VCAN: variants seen among roughly 807,000 people sequenced by gnomAD.
VCAN encodes versican, also known as versican core protein.
In VCAN, 44 loss-of-function variants were observed where a neutral mutation model predicts 245.5. The observed-to-expected ratio is 0.18, with a 90% CI of 0.14 to 0.23. VCAN has a LOEUF of 0.23. Ranked by LOEUF, VCAN falls within the 10% of genes least tolerant of loss-of-function variation. VCAN has a pLI of 1.00. For missense variants in VCAN, 3,793 were observed against 4,057.9 expected (o/e 0.93, Z 1.77); for synonymous variants, 1,413 against 1,437.0 (o/e 0.98, Z 0.38).
At chr5:83,561,493 T>C (rs532962777) in intron 12 of VCAN, among the ~76,000 whole-genome samples, 2 of 152,302 alleles carry the variant, frequency 1.3e-5, no homozygotes, top group South Asian at 4.1e-4. Context: ...TTTTTCATTT[T>C]GGTAAGCATA....
rs558309239 is a variant in VCAN at position 83,499,875 on chromosome 5, A to G, written c.748+5944A>G. ...TCTTGTGCCTCACCTAGAACCAAAA[A>G]CAACTTTTCCATTTTTGTTACTTTA... is the stretch of plus-strand genomic sequence containing the variant. On this transcript the variant is annotated intron_variant, in intron 5 of 14. Transcript: ENST00000265077. 5.9e-5 allele frequency among the ~76,000 whole-genome samples: 9 copies of G among 152,288 alleles called. No individual in the cohort carries two copies. The South Asian group carries it at 1.9e-3, about 32-fold the overall frequency.
intron 8 of VCAN, 108 bp from the exon 9 acceptor site, chr5:83,545,429 T>C: frequency 1.2e-6 from 1 of 861,694 alleles, no homozygotes. Flanking sequence ...TCTAAATTGC[T>C]ATGGTAAAGC....
chr5:83,497,253 T>C (rs977139588), intron 5 of VCAN, among the ~76,000 whole-genome samples: 6 of 152,222 alleles, frequency 3.9e-5, no homozygotes, highest in African/African-American at 9.6e-5. Context: ...GAAAGATATA[T>C]AGTTGACAGT....
chr5:83,519,979 A>G lies in VCAN; in HGVS notation c.1673A>G (p.Glu558Gly), dbSNP rs758221829. 1 of 1,614,104 alleles carries G rather than the reference A, an allele frequency of 6.2e-7. No homozygotes were observed. The highest frequency in any genetic ancestry group is 8.5e-7 in the Non-Finnish European group (1 of 1,179,970). ...YGFTLGEEDD[E>G]DRTLTVGSDE... is the part of the protein sequence containing the mutation. Reference sequence around the variant, plus strand: ...TTCACCTTGGGAGAAGAGGATGATGAAGACAGAACACTTACAGTTGGATCT... The same window carrying G: ...TTCACCTTGGGAGAAGAGGATGATGGAGACAGAACACTTACAGTTGGATCT... The change falls in exon 7 of 15, where the codon GAA becomes GGA. Residue 558 changes from glutamate to glycine, a missense_variant. By Grantham distance (98) the Glu-to-Gly change is moderately conservative. Coordinates refer to ENST00000265077, the MANE Select transcript of VCAN (RefSeq NM_004385.5).
At position 83,537,983 on chromosome 5, in the gene VCAN, A is replaced by G; in HGVS notation, c.4980A>G (p.Ser1660=). Residue 1660 remains serine (S), a synonymous_variant, in exon 8 of 15, where the codon TCA becomes TCG. Coordinates refer to ENST00000265077, the MANE Select transcript of VCAN (RefSeq NM_004385.5). ...DTMFTMVTDL[S]QRNTTDTLIT... ...TGTTCACCATGGTAACTGATTTATC[A>G]CAGAGAAATACTACTGATACACTCA... 6.2e-7 allele frequency: 1 copy of G among 1,613,994 alleles called. No homozygotes were observed. The highest frequency in any genetic ancestry group is 1.1e-5 in the South Asian group (1 of 91,086).
In VCAN at chr5:83,537,334, C is replaced by T. The variant is rs765589028; in HGVS notation, c.4331C>T (p.Ser1444Leu). The change falls in exon 8 of 15, where the codon TCG becomes TTG. Residue 1444 changes from serine to leucine, a missense_variant. Coordinates refer to ENST00000265077, the MANE Select transcript of VCAN (RefSeq NM_004385.5). ...FESVAPSQNF[S>L]DSSESDTHPF... ...AGTGTTGCACCTTCTCAGAATTTCT[C>T]GGACAGCTCTGAAAGTGATACTCAT... 19 of 1,613,822 alleles carry T rather than the reference C, an allele frequency of 1.2e-5. No homozygotes were observed. In the East Asian group the frequency reaches 1.6e-4, roughly 13 times the overall value.
intron 1 of VCAN, among the ~76,000 whole-genome samples, chr5:83,481,213 A>G (rs1436618600): frequency 6.6e-6 from 1 of 151,472 alleles, no homozygotes; most frequent in Non-Finnish European, 1.5e-5. Context: ...ATTATTATTT[A>G]TAAGTATAAT....
chr5:83,532,182 G>A (rs1193355), intron 7 of VCAN, among the ~76,000 whole-genome samples: 108,312 of 151,942 alleles, frequency 0.71, 39,972 homozygotes, highest in African/African-American at 0.92. Flanking sequence ...ACTATACACC[G>A]CAAAGAAACT....
chr5:83,577,816 C>T (rs1748536586), intron 13 of VCAN, among the ~76,000 whole-genome samples: 1 of 152,164 alleles, frequency 6.6e-6, no homozygotes, highest in African/African-American at 2.4e-5. Flanking sequence ...CATGTTGCCT[C>T]TTTCAAATAT....
At position 83,538,962 on chromosome 5, in the gene VCAN, G is replaced by A. The variant is rs1236770305; in HGVS notation, c.5959G>A (p.Glu1987Lys). The A allele has an allele frequency of 6.2e-7, 1 of 1,613,880 alleles. No individual in the cohort carries two copies. The highest frequency in any genetic ancestry group is 2.2e-5 in the East Asian group (1 of 44,864). The change falls in exon 8 of 15, where the codon GAA (glutamate) becomes AAA (lysine). Residue 1987 changes from glutamate (E) to lysine (K), a missense_variant. Glu to Lys is a moderately conservative substitution (Grantham distance 56). Coordinates refer to ENST00000265077, the MANE Select transcript of VCAN (RefSeq NM_004385.5). The stretch of plus-strand genomic sequence containing the variant: ...TCACATCAGTCACATATCTGACTCA[G>A]AAGGACCCAGTAGCACCATGGTCAG... The part of the protein sequence containing the change: ...SVHISHISDS[E>K]GPSSTMVSTS...
chr5:83,508,021 A>G (rs973886959), intron 5 of VCAN, among the ~76,000 whole-genome samples: 3 of 152,216 alleles, frequency 2.0e-5, no homozygotes, highest in African/African-American at 7.2e-5. Flanking sequence ...ACTTTGTGCA[A>G]AATGAGCTTC....
intron 5 of VCAN, among the ~76,000 whole-genome samples, chr5:83,502,561 G>A (rs1441099298): frequency 6.6e-6 from 1 of 152,210 alleles, no homozygotes; most frequent in Non-Finnish European, 1.5e-5. Context: ...GGGAAAGAAT[G>A]AGTCCAAACA....
In VCAN at chr5:83,493,680, G is replaced by A; in HGVS notation, c.580G>A (p.Glu194Lys). 3 of 1,614,146 alleles carry A rather than the reference G, an allele frequency of 1.9e-6. No homozygotes were observed. Among genetic ancestry groups the A allele is most frequent in the Non-Finnish European group, 2.5e-6 (3 of 1,180,026 alleles). ...CTTTGCTGCCTATGAAGATGGATTTGAGCAGTGTGACGCAGGCTGGCTGGC... is the reference window on the plus strand; with the variant it reads ...CTTTGCTGCCTATGAAGATGGATTTAAGCAGTGTGACGCAGGCTGGCTGGC... The part of the protein sequence containing the change: ...QLFAAYEDGF[E>K]QCDAGWLADQ... Residue 194 changes from glutamate (E) to lysine (K), a missense_variant, in exon 4 of 15, where the codon GAG (glutamate) becomes AAG (lysine). Coordinates refer to ENST00000265077, the MANE Select transcript of VCAN (RefSeq NM_004385.5).
rs753119326 is a variant in VCAN, at chr5:83,541,032, C to G, written c.8029C>G (p.Pro2677Ala). 1 of 1,614,052 alleles carries G rather than the reference C, an allele frequency of 6.2e-7. No individual in the cohort carries two copies. The change falls in exon 8 of 15, where the codon CCT becomes GCT. Residue 2677 changes from proline to alanine, a missense_variant. Physicochemically the swap from Pro to Ala is conservative, Grantham distance 27. This residue lies in a region of VCAN where 3,182 missense variants were observed against 3,250.3 expected (regional missense o/e 0.98). Coordinates refer to ENST00000265077, the MANE Select transcript of VCAN (RefSeq NM_004385.5). ...TCACTTCACAACTGGGATCCCTGCT[C>G]CTAGCACAGAAACAGAATTAGACGT... is the stretch of plus-strand genomic sequence containing the variant. ...GFHFTTGIPA[P>A]STETELDVLL... is the part of the protein sequence containing the mutation.
intron 8 of VCAN, 106 bp downstream of exon 8, chr5:83,542,374 G>A: frequency 8.1e-7 from 1 of 1,229,024 alleles, no homozygotes; most frequent in Non-Finnish European, 1.2e-6. Flanking sequence ...TCAATGGAGA[G>A]TTTCATATTA....
At chr5:83,528,046 G>A (rs746529920) in intron 7 of VCAN, among the ~76,000 whole-genome samples, 22 of 152,290 alleles carry the variant, frequency 1.4e-4, no homozygotes, top group Admixed American at 3.3e-4. Flanking sequence ...ATGTCTAGTC[G>A]TTTGACAGAT....
chr5:83,512,432 T>C, intron 6 of VCAN, 36 bp downstream of exon 6: 1 of 1,605,226 alleles, frequency 6.2e-7, no homozygotes, highest in African/African-American at 1.3e-5. Context: ...ATTACAGTTT[T>C]AAAAAAAATG....
At chr5:83,505,936 T>C (rs1745469466) in intron 5 of VCAN, among the ~76,000 whole-genome samples, 1 of 152,194 alleles carries the variant, frequency 6.6e-6, no homozygotes, top group African/African-American at 2.4e-5. Context: ...TTCCACCCTC[T>C]GAAGCCACAG....
chr5:83,516,277 C>T (rs1283630872), intron 6 of VCAN, among the ~76,000 whole-genome samples: 1 of 151,678 alleles, frequency 6.6e-6, no homozygotes, highest in Non-Finnish European at 1.5e-5. Context: ...GAGCAAGACT[C>T]TGTCTCAAAA....
Sources: allele counts gnomAD v4.1 joint callset (sites outside exome capture counted in the v4.1 genomes callset), GRCh38; gene constraint gnomAD v4.1.1; regional missense constraint gnomAD v4.1.1; transcripts MANE v1.5; gene names NCBI Gene and HGNC (gene_info 2026-07-23, HGNC 2026-07-21).